The following CRLF3 variants were observed in gnomAD, a reference collection of about 807,000 sequenced individuals.
CRLF3 encodes cytokine receptor like factor 3.
A neutral mutation model predicts 55.0 loss-of-function variants in CRLF3; 33 were observed. That is an observed-to-expected ratio of 0.60 (90% CI 0.46 to 0.80). The LOEUF is 0.80. Ranked by LOEUF, CRLF3 falls within the 30% of genes least tolerant of loss-of-function variation. The pLI is 0.00. For missense variants in CRLF3, 494 were observed against 538.4 expected (o/e 0.92, Z 0.82); for synonymous variants, 238 against 196.8 (o/e 1.21, Z -1.75).
At chr17:30,812,189 A>AT in intron 1 of CRLF3, among the ~76,000 whole-genome samples, 1 of 152,008 alleles carries the variant, frequency 6.6e-6, no homozygotes, top group East Asian at 1.9e-4. Flanking sequence ...TAATCAACAT[A>AT]TTTTTTCTCA....
intron 6 of CRLF3, among the ~76,000 whole-genome samples, chr17:30,788,373 A>G (rs1230375071): frequency 6.8e-6 from 1 of 147,094 alleles, no homozygotes; most frequent in Admixed American, 6.9e-5. Context: ...AAACCTTAAA[A>G]AAAATCAGAA....
chr17:30,812,579 G>A (rs1033682197), intron 1 of CRLF3, among the ~76,000 whole-genome samples: 2 of 152,104 alleles, frequency 1.3e-5, no homozygotes, highest in East Asian at 1.9e-4. Context: ...AACAGAAAAC[G>A]TATATTATAT....
At chr17:30,802,478 TG>T (rs1328822152) in intron 2 of CRLF3, among the ~76,000 whole-genome samples, 4 of 151,978 alleles carry the variant, frequency 2.6e-5, no homozygotes, top group African/African-American at 4.8e-5. Context: ...TCACCCAGGC[TG>T]GAGTGCAGTG....
At chr17:30,821,139 C>G (rs986488609) in intron 1 of CRLF3, among the ~76,000 whole-genome samples, 2 of 151,042 alleles carry the variant, frequency 1.3e-5, no homozygotes, top group Non-Finnish European at 2.9e-5. Flanking sequence ...CATCTGAGCC[C>G]AGGAGGCTGG....
Position 30,824,683 on chromosome 17 carries a change from G to A in CRLF3, c.-32C>T, listed in dbSNP as rs367894742. On this transcript the variant is annotated 5_prime_UTR_variant, in exon 1 of 8. Coordinates refer to ENST00000324238, the MANE Select transcript of CRLF3 (RefSeq NM_015986.4). ...GCGCGGCCGGCGAAACCTAGCGCGGGTTCCCGACTGCACCGGGCGCCTCCA... is the reference window on the plus strand; with the variant it reads ...GCGCGGCCGGCGAAACCTAGCGCGGATTCCCGACTGCACCGGGCGCCTCCA... The A allele has an allele frequency of 3.2e-6, 5 of 1,576,616 alleles. No homozygotes were observed. Among genetic ancestry groups the A allele is most frequent in the East Asian group, 4.7e-5 (2 of 42,360 alleles).
chr17:30,792,694 A>G, intron 5 of CRLF3, 122 bp from the exon 6 acceptor site: 5 of 802,014 alleles, frequency 6.2e-6, no homozygotes, highest in Non-Finnish European at 7.8e-6. Context: ...CAAGTTCAAT[A>G]AAATAAAAGA....
chr17:30,791,466 C>A (rs1971799400), intron 6 of CRLF3, among the ~76,000 whole-genome samples: 1 of 151,842 alleles, frequency 6.6e-6, no homozygotes, highest in South Asian at 2.1e-4. Flanking sequence ...CTCGGCCTCC[C>A]AAAGTGCTGG....
At position 30,793,659 on chromosome 17, in the gene CRLF3, A is replaced by C. The variant is rs1971859194; in HGVS notation, c.617T>G (p.Phe206Cys). 6.2e-7 allele frequency: 1 copy of C among 1,612,426 alleles called. No homozygotes were observed. The highest frequency in any genetic ancestry group is 8.5e-7 in the Non-Finnish European group (1 of 1,178,610). ...IVRWCKVDDDFTAQDYRLQFR... is the reference protein window; with the variant it reads ...IVRWCKVDDDCTAQDYRLQFR... ...CTGGAGCCTGTAATCTTGGGCTGTA[A>C]AGTCATCATCCACCTAGGGAGAAAA... Residue 206 changes from phenylalanine (F) to cysteine (C), a missense_variant, in exon 5 of 8, where the codon TTT becomes TGT. Coordinates refer to ENST00000324238, the MANE Select transcript of CRLF3 (RefSeq NM_015986.4).
chr17:30,820,896 T>A (rs1408519881), intron 1 of CRLF3, among the ~76,000 whole-genome samples: 2 of 143,132 alleles, frequency 1.4e-5, no homozygotes, highest in Non-Finnish European at 3.1e-5. Context: ...CTAAAAAAAA[T>A]TAAACAAAAT....
chr17:30,806,328 CAG>C (rs1486711400), intron 1 of CRLF3, among the ~76,000 whole-genome samples: 1 of 152,130 alleles, frequency 6.6e-6, no homozygotes, highest in Non-Finnish European at 1.5e-5. Context: ...CAAATTCCCT[CAG>C]AGCCAAACCA....
chr17:30,820,413 A>G (rs562500383), intron 1 of CRLF3, among the ~76,000 whole-genome samples: 5 of 152,316 alleles, frequency 3.3e-5, no homozygotes, highest in African/African-American at 1.2e-4. Context: ...GGTAGGCCAG[A>G]TGCAGTGGCT....
chr17:30,808,759 A>G (rs1904516420), intron 1 of CRLF3, among the ~76,000 whole-genome samples: 1 of 150,628 alleles, frequency 6.6e-6, no homozygotes, highest in Non-Finnish European at 1.5e-5. Flanking sequence ...AGCCCAGCTA[A>G]TTTTTTTGTA....
rs9896214 is a variant in CRLF3, at chr17:30,819,460, T to C, written c.129+5063A>G. On this transcript the variant is annotated intron_variant, in intron 1 of 7. Transcript: ENST00000324238. ...GGCCAGCTGACATCACTACGTGACA[T>C]TTTGATCAGTTATCTCTACTTACGT... 3.3e-3 allele frequency among the ~76,000 whole-genome samples: 498 copies of C among 152,250 alleles called. 2 individuals are homozygous for C. Among genetic ancestry groups the C allele is most frequent in the African/African-American group, 0.012 (480 of 41,558 alleles).
rs867719657 is a variant in CRLF3 at position 30,808,179 on chromosome 17, T to C, written c.130-4071A>G. 1.1e-4 allele frequency among the ~76,000 whole-genome samples: 16 copies of C among 151,842 alleles called. 1 individual carries two copies. In the Middle Eastern group the frequency reaches 0.014, roughly 130 times the overall value. The stretch of plus-strand genomic sequence containing the variant: ...TACCTTATGATTTTAACACAACCCC[T>C]GGGATACTGTTAGAAATTCAGAATC... On this transcript the variant is annotated intron_variant, in intron 1 of 7. Coordinates refer to ENST00000324238, the MANE Select transcript of CRLF3 (RefSeq NM_015986.4).
At chr17:30,798,261 C>G (rs1216684775) in intron 2 of CRLF3, among the ~76,000 whole-genome samples, 1 of 151,856 alleles carries the variant, frequency 6.6e-6, no homozygotes. Context: ...GCCTGTATTC[C>G]CAGCTACTAG....
At chr17:30,794,703 C>T (rs1284604930) in intron 4 of CRLF3, among the ~76,000 whole-genome samples, 2 of 152,074 alleles carry the variant, frequency 1.3e-5, no homozygotes, top group African/African-American at 4.8e-5. Context: ...GGGGCTGAGG[C>T]GGGAGGATCA....
At chr17:30,816,080 G>T (rs1006406318) in intron 1 of CRLF3, among the ~76,000 whole-genome samples, 8 of 150,184 alleles carry the variant, frequency 5.3e-5, no homozygotes, top group Non-Finnish European at 1.0e-4. Context: ...TCAGGAGTTC[G>T]AGACCAGCCT....
At chr17:30,801,990 GAAA>G (rs1972012786) in intron 2 of CRLF3, among the ~76,000 whole-genome samples, 1 of 151,862 alleles carries the variant, frequency 6.6e-6, no homozygotes, top group African/African-American at 2.4e-5. Context: ...TCTTCCTACA[GAAA>G]GCTATCCCAC....
chr17:30,783,189 A>C lies in CRLF3; in HGVS notation c.*998T>G, dbSNP rs1265926600. On this transcript the variant is annotated 3_prime_UTR_variant, in exon 8 of 8. Transcript: ENST00000324238. Reference sequence around the variant, plus strand: ...ATATTACATACATATGAAATGGCTAACACTGCTGTGCATACTACTGCCATA... The same window carrying C: ...ATATTACATACATATGAAATGGCTACCACTGCTGTGCATACTACTGCCATA... The C allele has an allele frequency of 6.6e-6, 1 of 152,254 alleles. No homozygotes were observed. The highest frequency in any genetic ancestry group is 1.5e-5 in the Non-Finnish European group (1 of 68,046). The allele number at this position is 152,254 out of a possible 1,614,324, so 9.4% of individuals were successfully genotyped here.
Sources: allele counts gnomAD v4.1 joint callset (sites outside exome capture counted in the v4.1 genomes callset), GRCh38; gene constraint gnomAD v4.1.1; transcripts MANE v1.5; gene names NCBI Gene and HGNC (gene_info 2026-07-23, HGNC 2026-07-21).